Variants in DENND1A observed in about 807,000 individuals in gnomAD.
DENND1A encodes the protein DENN domain-containing protein 1A.
A neutral mutation model predicts 113.7 loss-of-function variants in DENND1A; 51 were observed. That is an observed-to-expected ratio of 0.45 (90% CI 0.36 to 0.57). The LOEUF is 0.57. Ranked by LOEUF, DENND1A falls within the 20% of genes least tolerant of loss-of-function variation. The probability of loss-of-function intolerance (pLI) is 0.00; values close to 1 mark genes in which losing one functional copy is unlikely to be tolerated. For synonymous variants in DENND1A, 565 were observed against 570.8 expected, an observed-to-expected ratio of 0.99 and a Z score of 0.14; for missense variants, 1,258 against 1,395.9, an observed-to-expected ratio of 0.90 and a Z score of 1.57.
intron 5 of DENND1A, among the ~76,000 whole-genome samples, chr9:123,703,727 C>T (rs1227005984): frequency 1.3e-5 from 2 of 152,152 alleles, no homozygotes; most frequent in East Asian, 3.9e-4. Context: ...TATTGTACTC[C>T]TTTCCATTTA....
intron 13 of DENND1A, among the ~76,000 whole-genome samples, chr9:123,525,446 C>A (rs376371909): frequency 6.6e-6 from 1 of 152,212 alleles, no homozygotes. Flanking sequence ...AGAGAAGACA[C>A]TGTTTGAGTT....
At chr9:123,582,724 G>C (rs1210558991) in intron 12 of DENND1A, among the ~76,000 whole-genome samples, 2 of 143,466 alleles carry the variant, frequency 1.4e-5, no homozygotes, top group African/African-American at 5.2e-5. Context: ...TTTTGAGATG[G>C]AGTCTCGCTC....
chr9:123,892,302 T>C (rs1850036248), intron 1 of DENND1A, among the ~76,000 whole-genome samples: 1 of 152,144 alleles, frequency 6.6e-6, no homozygotes. Flanking sequence ...AGTATTACCT[T>C]AGAAATGGAG....
chr9:123,803,855 T>C (rs905241126), intron 2 of DENND1A, among the ~76,000 whole-genome samples: 1 of 152,220 alleles, frequency 6.6e-6, no homozygotes, highest in Non-Finnish European at 1.5e-5. Flanking sequence ...CCTACTCTCT[T>C]GGACCCATGA....
At chr9:123,813,904 C>T (rs1461041387) in intron 2 of DENND1A, among the ~76,000 whole-genome samples, 7 of 152,156 alleles carry the variant, frequency 4.6e-5, no homozygotes, top group Admixed American at 2.0e-4. Context: ...CTTAGGAAGA[C>T]GCTTATCTCA....
At chr9:123,564,980 C>CT (rs199613371) in intron 12 of DENND1A, among the ~76,000 whole-genome samples, 1,869 of 75,646 alleles carry the variant, frequency 0.025, 154 homozygotes, top group Non-Finnish European at 0.032. Flanking sequence ...TCTGTCCCTT[C>CT]TTTTTTTTTT....
At chr9:123,664,445 C>A (rs1466463859) in intron 8 of DENND1A, among the ~76,000 whole-genome samples, 1 of 151,852 alleles carries the variant, frequency 6.6e-6, no homozygotes, top group Non-Finnish European at 1.5e-5. Flanking sequence ...TTTACTTTAA[C>A]AATATTCCCT....
chr9:123,543,320 A>G (rs2056423297), intron 13 of DENND1A, among the ~76,000 whole-genome samples: 1 of 152,258 alleles, frequency 6.6e-6, no homozygotes, highest in Non-Finnish European at 1.5e-5. Flanking sequence ...GCTGGGTTAA[A>G]CAAAGTGATC....
At position 123,769,491 on chromosome 9, in the gene DENND1A, A is replaced by G. The variant is rs531887955; in HGVS notation, c.182+23T>C. On this transcript the variant is annotated intron_variant, in intron 4 of 23. Coordinates refer to ENST00000394215, the MANE Select transcript of DENND1A (RefSeq NM_001352964.2). ...GGTTTATTGATACTTTTTTTCTAGTAAAGTTTGAAAATCTGACACTACCTG... is the reference window on the plus strand; with the variant it reads ...GGTTTATTGATACTTTTTTTCTAGTGAAGTTTGAAAATCTGACACTACCTG... 5.8e-5 allele frequency: 92 copies of G among 1,588,392 alleles called. 1 individual carries two copies. The South Asian group carries it at 9.3e-4, about 16-fold the overall frequency.
chr9:123,399,941 G>A (rs936223827), intron 21 of DENND1A, among the ~76,000 whole-genome samples: 1 of 152,204 alleles, frequency 6.6e-6, no homozygotes, highest in South Asian at 2.1e-4. Flanking sequence ...AGCCCAAGAG[G>A]GCCTAGAAAT....
At chr9:123,408,501 T>C (rs1007701783) in intron 20 of DENND1A, among the ~76,000 whole-genome samples, 5 of 152,156 alleles carry the variant, frequency 3.3e-5, no homozygotes, top group Non-Finnish European at 7.4e-5. Flanking sequence ...TTACAGATGA[T>C]GAAACTAATG....
chr9:123,786,195 C>T (rs1832142412), intron 3 of DENND1A, among the ~76,000 whole-genome samples: 1 of 150,874 alleles, frequency 6.6e-6, no homozygotes, highest in African/African-American at 2.4e-5. Flanking sequence ...GTCTAGGCAA[C>T]AGAGCAAGAC....
intron 3 of DENND1A, among the ~76,000 whole-genome samples, chr9:123,779,547 T>C (rs1830940899): frequency 6.6e-6 from 1 of 152,230 alleles, no homozygotes; most frequent in Admixed American, 6.5e-5. Flanking sequence ...TTGCCCATGC[T>C]GGAGGGAAGT....
chr9:123,514,129 AC>A (rs1402236597), intron 13 of DENND1A, among the ~76,000 whole-genome samples: 1 of 140,530 alleles, frequency 7.1e-6, no homozygotes, highest in East Asian at 2.1e-4. Flanking sequence ...TGTCCATGAC[AC>A]CCAGCATGGG....
intron 2 of DENND1A, among the ~76,000 whole-genome samples, chr9:123,813,478 C>T (rs1836967272): frequency 1.3e-5 from 2 of 150,124 alleles, no homozygotes; most frequent in South Asian, 2.1e-4. Flanking sequence ...CTTTTTATTT[C>T]TAATTCCTAA....
At chr9:123,587,127 T>G (rs575487497) in intron 11 of DENND1A, among the ~76,000 whole-genome samples, 8 of 151,990 alleles carry the variant, frequency 5.3e-5, no homozygotes, top group African/African-American at 1.7e-4. Flanking sequence ...GCATTTATTA[T>G]TAAGTTTAGT....
At chr9:123,463,274 T>C (rs1254972633) in intron 13 of DENND1A, among the ~76,000 whole-genome samples, 1 of 152,194 alleles carries the variant, frequency 6.6e-6, no homozygotes, top group East Asian at 1.9e-4. Flanking sequence ...AAAGACAAGT[T>C]TTACTCCTGG....
intron 13 of DENND1A, among the ~76,000 whole-genome samples, chr9:123,488,507 T>G (rs961052805): frequency 3.3e-5 from 5 of 152,226 alleles, no homozygotes; most frequent in African/African-American, 4.8e-5. Context: ...ATCATTCTCT[T>G]CTTGATGGGC....
intron 13 of DENND1A, among the ~76,000 whole-genome samples, chr9:123,478,555 C>T (rs2050095894): frequency 1.3e-5 from 2 of 152,226 alleles, no homozygotes; most frequent in South Asian, 2.1e-4. Context: ...CACGTTCAAA[C>T]AGTATTTACT....
Sources: allele counts gnomAD v4.1 joint callset (sites outside exome capture counted in the v4.1 genomes callset), GRCh38; gene constraint gnomAD v4.1.1; transcripts MANE v1.5; gene names NCBI Gene and HGNC (gene_info 2026-07-23, HGNC 2026-07-21).